Variants in TTC34 observed in about 807,000 individuals in gnomAD.
TTC34 encodes tetratricopeptide repeat protein 34.
A neutral mutation model predicts 40.7 loss-of-function variants in TTC34; 44 were observed. That is an observed-to-expected ratio of 1.08 (90% CI 0.85 to 1.39). The LOEUF (loss-of-function observed/expected upper bound fraction) is 1.39. TTC34 is among the 40% of genes most tolerant of loss of function. TTC34 has a pLI of 0.00. For synonymous variants in TTC34, 422 were observed against 398.6 expected (o/e 1.06, Z -0.70); for missense variants, 884 against 838.0 (o/e 1.05, Z -0.68).
chr1:2,754,961 C>T, intron 6 of TTC34, among the ~76,000 whole-genome samples: 1 of 62,592 alleles, frequency 1.6e-5, no homozygotes, highest in Non-Finnish European at 2.7e-5. Context: ...CATCTGACCG[C>T]CTGGAACAGC....
intron 8 of TTC34, among the ~76,000 whole-genome samples, chr1:2,643,918 C>T (rs1292746457): frequency 1.3e-5 from 2 of 152,248 alleles, no homozygotes; most frequent in East Asian, 3.8e-4. Flanking sequence ...TGCCTTCTCC[C>T]GGCCTGCCAT....
chr1:2,787,935 G>T (rs1005339646), intron 3 of TTC34, among the ~76,000 whole-genome samples: 3 of 152,210 alleles, frequency 2.0e-5, no homozygotes, highest in African/African-American at 7.2e-5. Context: ...GGATTGTGGC[G>T]GTATAGACAG....
At chr1:2,653,393 T>G (rs1431607141) in intron 6 of TTC34, among the ~76,000 whole-genome samples, 3,678 of 41,206 alleles carry the variant, frequency 0.089, no homozygotes, top group Non-Finnish European at 0.11. Context: ...TGACAGCATG[T>G]AACAGCACCC....
chr1:2,773,081 T>A (rs1171093456), intron 6 of TTC34, among the ~76,000 whole-genome samples: 12 of 149,274 alleles, frequency 8.0e-5, no homozygotes, highest in African/African-American at 3.0e-4. Context: ...TCTGACAGCC[T>A]GGAGCAGCAC....
intron 6 of TTC34, among the ~76,000 whole-genome samples, chr1:2,754,154 G>C (rs1479738116): frequency 2.7e-3 from 56 of 20,942 alleles, no homozygotes; most frequent in East Asian, 4.2e-3. Context: ...GTGCGCATCT[G>C]ATGGTCTGGA....
chr1:2,683,759 G>A (rs1343911176), intron 6 of TTC34, among the ~76,000 whole-genome samples: 6 of 150,832 alleles, frequency 4.0e-5, no homozygotes, highest in South Asian at 4.2e-4. Context: ...CACACCCCCA[G>A]GTGAGCATCT....
At position 2,684,716 on chromosome 1, in the gene TTC34, C is replaced by A. The variant is rs1225919197; in HGVS notation, c.2227-39153G>T. On this transcript the variant is annotated intron_variant, in intron 6 of 8. Transcript: ENST00000401095. ...CTGACAGCCTGGAACGGCAACCACA[C>A]CCCCAGGCGAGCATCCGACAGCCTG... is the stretch of plus-strand genomic sequence containing the variant. 9.7e-5 allele frequency among the ~76,000 whole-genome samples: 12 copies of A among 123,294 alleles called. No individual in the cohort carries two copies. The South Asian group carries it at 2.4e-3, about 24-fold the overall frequency. The allele number at this position is 123,294 out of a possible 152,430, so 80.9% of individuals were successfully genotyped here.
intron 6 of TTC34, among the ~76,000 whole-genome samples, chr1:2,699,233 C>A (rs1339228235): frequency 6.3e-5 from 9 of 142,676 alleles, no homozygotes; most frequent in African/African-American, 1.6e-4. Context: ...ATCTGACCGC[C>A]CGGAGCAGCA....
intron 6 of TTC34, among the ~76,000 whole-genome samples, chr1:2,688,535 A>T (rs1569572269): frequency 7.0e-6 from 1 of 142,066 alleles, no homozygotes. Flanking sequence ...CCACACCCAC[A>T]GGCGAGCACC....
chr1:2,779,058 T>C (rs1643427722), intron 6 of TTC34, among the ~76,000 whole-genome samples: 1 of 152,182 alleles, frequency 6.6e-6, no homozygotes, highest in Admixed American at 6.5e-5. Flanking sequence ...CTGAGCACAA[T>C]GTCCTTGAGG....
intron 6 of TTC34, among the ~76,000 whole-genome samples, chr1:2,760,560 CA>C: frequency 2.7e-5 from 1 of 36,394 alleles, no homozygotes; most frequent in Non-Finnish European, 4.1e-5. Context: ...GAGCAGCACC[CA>C]CACACCCAGG....
chr1:2,652,306 G>C (rs1378262369), intron 6 of TTC34, among the ~76,000 whole-genome samples: 2 of 152,254 alleles, frequency 1.3e-5, no homozygotes, highest in African/African-American at 4.8e-5. Context: ...GCATCCGACA[G>C]CCTGGAGCAG....
chr1:2,685,738 G>C (rs1394756094), intron 6 of TTC34, among the ~76,000 whole-genome samples: 11 of 73,054 alleles, frequency 1.5e-4, no homozygotes, highest in South Asian at 8.7e-4. Context: ...CGCATCTGAT[G>C]GTCTGGAGCA....
Position 2,761,115 on chromosome 1 carries a change from A to C in TTC34, c.2226+22494T>G, listed in dbSNP as rs1641672337. ...TGAGCATCGGACATCCTGGAGCATC[A>C]CATACTCCCCCAGGTGAGCATCCGA... On this transcript the variant is annotated intron_variant, in intron 6 of 8. Coordinates refer to ENST00000401095, the Ensembl canonical transcript of TTC34. Among the ~76,000 whole-genome samples, 2 of 54,530 alleles carry C rather than the reference A, an allele frequency of 3.7e-5. 1 individual carries two copies. The allele number at this position is 54,530 out of a possible 152,430, so 35.8% of individuals were successfully genotyped here.
chr1:2,651,850 T>C lies in TTC34; in HGVS notation c.2227-6287A>G, dbSNP rs181500935. On this transcript the variant is annotated intron_variant, in intron 6 of 8. Transcript: ENST00000401095. ...GCCTGGAACGGTACCACCAATTAGG[T>C]GAGCCTCTGATGGACTCAAACAACA... Among the ~76,000 whole-genome samples, 18 of 151,266 alleles carry C rather than the reference T, an allele frequency of 1.2e-4. No homozygotes were observed. The East Asian group carries it at 3.6e-3, about 30-fold the overall frequency.
chr1:2,771,550 A>G (rs1478302615), intron 6 of TTC34, among the ~76,000 whole-genome samples: 7 of 70,476 alleles, frequency 9.9e-5, no homozygotes, highest in East Asian at 4.9e-4. Flanking sequence ...GACAGCCTGG[A>G]GCAGCACACA....
At chr1:2,752,352 C>T (rs1293102936) in intron 6 of TTC34, among the ~76,000 whole-genome samples, 1 of 121,754 alleles carries the variant, frequency 8.2e-6, no homozygotes, top group African/African-American at 3.6e-5. Flanking sequence ...CATCTGACCG[C>T]CTGGAACAGC....
At chr1:2,749,418 G>A (rs1461292930) in intron 6 of TTC34, among the ~76,000 whole-genome samples, 3 of 95,206 alleles carry the variant, frequency 3.2e-5, no homozygotes, top group African/African-American at 1.5e-4. Context: ...AGGTGCGCAC[G>A]TGACAGCCTG....
chr1:2,677,920 C>T (rs1359523418), intron 6 of TTC34, among the ~76,000 whole-genome samples: 1 of 34,118 alleles, frequency 2.9e-5, no homozygotes, highest in African/African-American at 2.4e-4. Flanking sequence ...CAGCCTGGAG[C>T]AGCACCCTGC....
Sources: allele counts gnomAD v4.1 joint callset (sites outside exome capture counted in the v4.1 genomes callset), GRCh38; gene constraint gnomAD v4.1.1; transcripts MANE v1.5; gene names NCBI Gene and HGNC (gene_info 2026-07-23, HGNC 2026-07-21).